TPTE2: variants seen among roughly 807,000 people sequenced by gnomAD.
TPTE2 encodes transmembrane phosphoinositide 3-phosphatase and tensin homolog 2.
In TPTE2, 53 loss-of-function variants were observed where a neutral mutation model predicts 78.6. That is an observed-to-expected ratio of 0.67 (90% CI 0.54 to 0.85). The LOEUF (loss-of-function observed/expected upper bound fraction) is 0.85. Ranked by LOEUF, TPTE2 falls within the 40% of genes least tolerant of loss-of-function variation. The pLI, the probability that TPTE2 is intolerant of heterozygous loss-of-function variation, is 0.00. For synonymous variants in TPTE2, 175 were observed against 206.2 expected (o/e 0.85, Z 1.30); for missense variants, 461 against 623.0 (o/e 0.74, Z 2.77).
At chr13:19,445,996 T>G (rs1373822001) in intron 13 of TPTE2, among the ~76,000 whole-genome samples, 1 of 151,972 alleles carries the variant, frequency 6.6e-6, no homozygotes, top group Non-Finnish European at 1.5e-5. Context: ...ACAACCCAAA[T>G]GTAATAGAAA....
chr13:19,530,787 T>C (rs1029524414), intron 1 of TPTE2, among the ~76,000 whole-genome samples: 3 of 152,110 alleles, frequency 2.0e-5, no homozygotes, highest in South Asian at 2.1e-4. Flanking sequence ...GGCATCCCAA[T>C]GTGTTGGGAT....
At chr13:19,496,850 G>A (rs943308921) in intron 1 of TPTE2, among the ~76,000 whole-genome samples, 17 of 152,174 alleles carry the variant, frequency 1.1e-4, no homozygotes, top group South Asian at 8.3e-4. Flanking sequence ...CGTGAGCGAC[G>A]CGGAAGACAG....
chr13:19,548,652 T>G, the TPTE2 span, among the ~76,000 whole-genome samples: 1 of 151,154 alleles, frequency 6.6e-6, no homozygotes, highest in South Asian at 2.1e-4. Context: ...AGCCTTAGAC[T>G]AGCCATATGC....
intron 10 of TPTE2, among the ~76,000 whole-genome samples, chr13:19,452,139 ACT>A (rs1158853761): frequency 4.6e-5 from 7 of 152,216 alleles, no homozygotes; most frequent in South Asian, 2.1e-4. Context: ...AAAGATGAAC[ACT>A]CTGAATCTGC....
intron 19 of TPTE2, 72 bp downstream of exon 22, chr13:19,424,875 G>T (rs1246068989): frequency 1.0e-6 from 1 of 968,932 alleles, no homozygotes; most frequent in East Asian, 2.8e-5. Flanking sequence ...ACCAGCAAAA[G>T]ACTTGCCATT....
chr13:19,507,679 T>G (rs1173662684), upstream of TPTE2, among the ~76,000 whole-genome samples: 2 of 152,200 alleles, frequency 1.3e-5, no homozygotes, highest in East Asian at 1.9e-4. Context: ...AACAGCATGA[T>G]TATGAATAGA....
chr13:19,447,767 C>A (rs1477960353), intron 13 of TPTE2, among the ~76,000 whole-genome samples: 3 of 152,074 alleles, frequency 2.0e-5, no homozygotes, highest in Non-Finnish European at 2.9e-5. Context: ...AAAGCCTAAA[C>A]CTGAATGAGA....
intron 1 of TPTE2, among the ~76,000 whole-genome samples, chr13:19,525,085 G>A (rs1870413786): frequency 6.6e-6 from 1 of 152,126 alleles, no homozygotes; most frequent in Non-Finnish European, 1.5e-5. Context: ...AAGTTTCAGG[G>A]ATCAGTTAGG....
At chr13:19,478,355 T>C (rs1455141783) in intron 4 of TPTE2, among the ~76,000 whole-genome samples, 3 of 152,104 alleles carry the variant, frequency 2.0e-5, no homozygotes, top group South Asian at 2.1e-4. Flanking sequence ...GCAAAGGATA[T>C]GAACAGACAC....
At chr13:19,441,411 A>C (rs1877486217) in intron 13 of TPTE2, among the ~76,000 whole-genome samples, 1 of 152,162 alleles carries the variant, frequency 6.6e-6, no homozygotes, top group South Asian at 2.1e-4. Flanking sequence ...TCCAAATCTA[A>C]AAGTTAATTT....
chr13:19,520,111 A>G (rs891784521), intron 1 of TPTE2, among the ~76,000 whole-genome samples: 9 of 151,992 alleles, frequency 5.9e-5, no homozygotes, highest in African/African-American at 2.2e-4. Context: ...TGTGAACTCA[A>G]TTGTTGCTCC....
At chr13:19,492,569 A>C (rs1399118170) in intron 3 of TPTE2, among the ~76,000 whole-genome samples, 3 of 152,176 alleles carry the variant, frequency 2.0e-5, no homozygotes, top group Non-Finnish European at 4.4e-5. Context: ...TCCTTCAAAA[A>C]AGGATGCAAA....
intron 17 of TPTE2, among the ~76,000 whole-genome samples, chr13:19,427,387 G>GGCACTTTTCAAAAGTGCT (rs1428027862): frequency 5.9e-5 from 9 of 151,746 alleles, no homozygotes; most frequent in African/African-American, 1.9e-4. Context: ...CCGGCCGTGA[G>GGCACTTTTCAAAAGTGCT]GCACTTTTCA....
intron 3 of TPTE2, among the ~76,000 whole-genome samples, chr13:19,483,165 C>CCA (rs1238866214): frequency 6.6e-6 from 1 of 152,184 alleles, no homozygotes; most frequent in Admixed American, 6.5e-5. Flanking sequence ...GCTGACTGAT[C>CCA]AGAGTGGTGG....
chr13:19,507,704 C>G (rs2137686483), upstream of TPTE2, among the ~76,000 whole-genome samples: 1 of 152,314 alleles, frequency 6.6e-6, no homozygotes, highest in South Asian at 2.1e-4. Context: ...ACACTTGTAA[C>G]AGATAGCTGT....
intron 1 of TPTE2, among the ~76,000 whole-genome samples, chr13:19,502,422 G>A (rs1196087520): frequency 6.6e-6 from 1 of 151,530 alleles, no homozygotes; most frequent in African/African-American, 2.4e-5. Context: ...TGATAGACTG[G>A]ATTAAGAAAA....
At chr13:19,551,471 T>TC in the TPTE2 span, among the ~76,000 whole-genome samples, 1 of 151,960 alleles carries the variant, frequency 6.6e-6, no homozygotes, top group East Asian at 1.9e-4. Context: ...ACGCCTGTGA[T>TC]CCCAGCTACT....
In TPTE2 at chr13:19,535,064, C is replaced by T. The variant is rs548707727; in HGVS notation, c.-44+1532G>A. On this transcript the variant is annotated intron_variant, in intron 1 of 17. Coordinates refer to the TPTE2 transcript ENST00000390680. The surrounding 1 kb of genome is among the most constrained non-coding windows in gnomAD (Gnocchi z 5.1). ...ACCAAAAATACAGAAATTAGCCAGGCGTGGTGGCGGGCACATGCAGTCCCA... is the reference window on the plus strand; with the variant it reads ...ACCAAAAATACAGAAATTAGCCAGGTGTGGTGGCGGGCACATGCAGTCCCA... 1.3e-5 allele frequency among the ~76,000 whole-genome samples: 2 copies of T among 152,038 alleles called. No individual in the cohort carries two copies. The highest frequency in any genetic ancestry group is 1.9e-4 in the East Asian group (1 of 5,172).
intron 5 of TPTE2, among the ~76,000 whole-genome samples, chr13:19,474,619 A>G (rs1188610741): frequency 6.6e-6 from 1 of 152,244 alleles, no homozygotes; most frequent in African/African-American, 2.4e-5. Flanking sequence ...CTTCTAGCAT[A>G]GTGATGGGCA....
Sources: gnomAD v4.1 joint callset for allele counts (sites outside exome capture counted in the v4.1 genomes callset) on GRCh38, gnomAD v4.1.1 for gene constraint, Gnocchi (gnomAD v3.1) non-coding constraint, MANE v1.5 for transcripts, NCBI Gene and HGNC (gene_info 2026-07-23, HGNC 2026-07-21) for gene names.